Variants in VAV1 observed in about 807,000 individuals in gnomAD.
The protein encoded by VAV1 is vav guanine nucleotide exchange factor 1.
Under a neutral mutation model 128.1 loss-of-function variants are expected in VAV1, and 33 were observed. The observed-to-expected ratio is 0.26, with a 90% confidence interval of 0.20 to 0.34. VAV1 has a LOEUF of 0.34. Among genes scored for constraint, VAV1 ranks in the 10% least tolerant of loss-of-function variants. The probability of loss-of-function intolerance (pLI) is 1.00; values close to 1 mark genes in which losing one functional copy is unlikely to be tolerated. For missense variants in VAV1, 715 were observed against 1,093.7 expected (o/e 0.65, Z 4.88); for synonymous variants, 394 against 409.8 (o/e 0.96, Z 0.47).
At chr19:6,810,688 A>G (rs1386748463) in intron 1 of VAV1, among the ~76,000 whole-genome samples, 1 of 151,744 alleles carries the variant, frequency 6.6e-6, no homozygotes, top group Non-Finnish European at 1.5e-5. Context: ...CTGGGCGACA[A>G]GAGTGAAACG....
intron 1 of VAV1, among the ~76,000 whole-genome samples, chr19:6,814,686 T>TCTCTCTC (rs1568299290): frequency 3.4e-5 from 4 of 118,040 alleles, no homozygotes; most frequent in African/African-American, 1.6e-4. Flanking sequence ...CTTTCTTTCT[T>TCTCTCTC]TCTTTCTTTC....
In VAV1 at chr19:6,826,602, C is replaced by T. The variant is rs755131190; in HGVS notation, c.828-10C>T. On this transcript the variant is annotated splice_polypyrimidine_tract_variant and intron_variant, in intron 8 of 26. Coordinates refer to ENST00000602142, the MANE Select transcript of VAV1 (RefSeq NM_005428.4). The surrounding 1 kb of genome is among the most constrained non-coding windows in gnomAD (Gnocchi z 4.1). ...TCACCTTTACCTGGTGGCCTGTCTT[C>T]TCCCTGTAGGTTCCTCGTCTATGGC... The T allele has an allele frequency of 5.8e-6, 9 of 1,550,458 alleles. No individual in the cohort carries two copies. The highest frequency in any genetic ancestry group is 3.5e-6 in the Non-Finnish European group (4 of 1,146,604).
intron 23 of VAV1, among the ~76,000 whole-genome samples, chr19:6,848,739 G>GT (rs1262275967): frequency 5.3e-5 from 8 of 150,772 alleles, no homozygotes. Context: ...TCATATATAT[G>GT]TTTTTTCTTT....
chr19:6,829,089 C>T (rs1463013544), intron 13 of VAV1, among the ~76,000 whole-genome samples, 189 bp downstream of exon 13: 2 of 150,248 alleles, frequency 1.3e-5, no homozygotes, highest in Non-Finnish European at 3.0e-5. Context: ...AGGGGCAGAG[C>T]CAGGCTTCTA....
chr19:6,782,132 C>T (rs1201745390), intron 1 of VAV1, among the ~76,000 whole-genome samples: 1 of 152,040 alleles, frequency 6.6e-6, no homozygotes, highest in East Asian at 1.9e-4. Context: ...GAGTTCAAGA[C>T]CAGCCTGTCC....
At chr19:6,773,464 C>T (rs1248034655) in intron 1 of VAV1, among the ~76,000 whole-genome samples, 1 of 152,192 alleles carries the variant, frequency 6.6e-6, no homozygotes, top group Non-Finnish European at 1.5e-5. Flanking sequence ...GTGTCTCCTC[C>T]TCCCGGGCCC....
chr19:6,845,333 C>T (rs935357599), intron 22 of VAV1, among the ~76,000 whole-genome samples: 21 of 151,868 alleles, frequency 1.4e-4, no homozygotes, highest in Non-Finnish European at 3.1e-4. Context: ...TGCAGTGAGC[C>T]GAGATTGCGC....
chr19:6,840,221 T>C (rs1199876970), intron 21 of VAV1, among the ~76,000 whole-genome samples: 2 of 152,202 alleles, frequency 1.3e-5, no homozygotes, highest in Middle Eastern at 3.2e-3. Context: ...ATACAGTATT[T>C]GTCCTTTGTG....
At chr19:6,853,767 G>A (rs1408454717) in intron 25 of VAV1, among the ~76,000 whole-genome samples, 180 bp from the exon 26 acceptor site, 3 of 151,980 alleles carry the variant, frequency 2.0e-5, no homozygotes, top group Non-Finnish European at 4.4e-5. Context: ...AAATTCAGAC[G>A]GGAGGATGAT....
chr19:6,806,598 C>A (rs992911550), intron 1 of VAV1, among the ~76,000 whole-genome samples: 36 of 152,184 alleles, frequency 2.4e-4, no homozygotes, highest in African/African-American at 8.4e-4. Flanking sequence ...GACCGCCTAA[C>A]CTCACTCTTG....
intron 23 of VAV1, among the ~76,000 whole-genome samples, 176 bp from the exon 24 acceptor site, chr19:6,850,493 AT>A (rs1363426680): frequency 2.0e-5 from 3 of 151,590 alleles, no homozygotes; most frequent in Non-Finnish European, 2.9e-5. Context: ...AGAGGAAGAC[AT>A]TAAGGCTTTA....
In VAV1 at chr19:6,817,876, C is replaced by T. The variant is rs534922215; in HGVS notation, c.205-2826C>T. Among the ~76,000 whole-genome samples, 14 of 152,108 alleles carry T rather than the reference C, an allele frequency of 9.2e-5. No homozygotes were observed. In the South Asian group the frequency reaches 2.3e-3, roughly 25 times the overall value. On this transcript the variant is annotated intron_variant, in intron 1 of 26. Coordinates refer to ENST00000602142, the MANE Select transcript of VAV1 (RefSeq NM_005428.4). ...TAATTTTTTGTGTTTTTAGTAGAGACGGGATTTCACCGTGTTAGCCAGGAT... is the reference window on the plus strand; with the variant it reads ...TAATTTTTTGTGTTTTTAGTAGAGATGGGATTTCACCGTGTTAGCCAGGAT...
intron 1 of VAV1, among the ~76,000 whole-genome samples, chr19:6,779,947 T>C (rs1426198320): frequency 1.3e-5 from 2 of 148,796 alleles, no homozygotes; most frequent in Non-Finnish European, 1.5e-5. Flanking sequence ...CCGTCTCTAC[T>C]AAAAATACAA....
rs199986946 is a variant in VAV1, at chr19:6,832,562, C to T, written c.1508+362C>T. On this transcript the variant is annotated intron_variant, in intron 15 of 26. Transcript: ENST00000602142. ...TCCTCTTCTTCTTCCTCCTCCTCTC[C>T]TTCCTCCCCTTCCTCCTCCTCGCCC... 1.9e-4 allele frequency among the ~76,000 whole-genome samples: 24 copies of T among 126,042 alleles called. 1 individual carries two copies. Among genetic ancestry groups the T allele is most frequent in the East Asian group, 1.1e-3 (3 of 2,856 alleles). 82.7% of individuals were successfully genotyped at this position (126,042 alleles called of 152,430 possible).
At position 6,820,646 on chromosome 19, in the gene VAV1, A is replaced by C; in HGVS notation, c.205-56A>C. The C allele has an allele frequency of 6.7e-7, 1 of 1,490,554 alleles. No individual in the cohort carries two copies. The highest frequency in any genetic ancestry group is 1.1e-5 in the South Asian group (1 of 88,326). The allele number at this position is 1,490,554 out of a possible 1,614,324, so 92.3% of individuals were successfully genotyped here. On this transcript the variant is annotated intron_variant, in intron 1 of 26. Coordinates refer to ENST00000602142, the MANE Select transcript of VAV1 (RefSeq NM_005428.4). The surrounding 1 kb of genome is among the most constrained non-coding windows in gnomAD (Gnocchi z 4.4). ...CCCCAAGCTAGGTGGCCTGGGGGTC[A>C]GTTTCTCCCCTGCCCTTTCGTACTG... is the stretch of plus-strand genomic sequence containing the variant.
intron 6 of VAV1, among the ~76,000 whole-genome samples, chr19:6,823,422 G>T (rs961545802): frequency 2.0e-5 from 3 of 150,932 alleles, no homozygotes; most frequent in African/African-American, 7.3e-5. Flanking sequence ...ACTGTGCCTG[G>T]CTTATATATC....
intron 1 of VAV1, 64 bp downstream of exon 1, chr19:6,773,075 T>C: frequency 6.3e-7 from 1 of 1,589,472 alleles, no homozygotes; most frequent in South Asian, 1.1e-5. Context: ...GGGCTGACAG[T>C]CGAGGGGCTG....
At chr19:6,841,287 A>G (rs145829522) in intron 21 of VAV1, among the ~76,000 whole-genome samples, 361 of 152,202 alleles carry the variant, frequency 2.4e-3, no homozygotes, top group Middle Eastern at 0.02. Context: ...TTTCCTGTCA[A>G]TGAACAATTG....
chr19:6,839,853 G>C (rs1972327001), intron 21 of VAV1, among the ~76,000 whole-genome samples: 1 of 151,856 alleles, frequency 6.6e-6, no homozygotes, highest in Non-Finnish European at 1.5e-5. Flanking sequence ...ACCATGCCTG[G>C]CTAATTTTTT....
Sources: allele counts gnomAD v4.1 joint callset (sites outside exome capture counted in the v4.1 genomes callset), GRCh38; gene constraint gnomAD v4.1.1; non-coding constraint Gnocchi (gnomAD v3.1); transcripts MANE v1.5; gene names NCBI Gene and HGNC (gene_info 2026-07-23, HGNC 2026-07-21).